RBMS3: variants seen among roughly 807,000 people sequenced by gnomAD.
The protein encoded by RBMS3 is RNA-binding motif, single-stranded-interacting protein 3.
A neutral mutation model predicts 66.8 loss-of-function variants in RBMS3; 27 were observed. That is an observed-to-expected ratio of 0.40 (90% CI 0.30 to 0.56). The LOEUF (loss-of-function observed/expected upper bound fraction) is 0.56, where lower values mean the gene tolerates loss of function less well. Among genes scored for constraint, RBMS3 ranks in the 20% least tolerant of loss-of-function variants. The pLI is 0.40. For synonymous variants in RBMS3, 188 were observed against 183.0 expected (o/e 1.03, Z -0.22); for missense variants, 513 against 549.5 (o/e 0.93, Z 0.66).
At chr3:29,730,559 A>G (rs773709762) in intron 4 of RBMS3, among the ~76,000 whole-genome samples, 2 of 152,164 alleles carry the variant, frequency 1.3e-5, no homozygotes, top group Non-Finnish European at 2.9e-5. Flanking sequence ...TAGTAAACCT[A>G]TGGCTGTCTT....
chr3:29,362,978 A>G (rs1243926497), intron 1 of RBMS3, among the ~76,000 whole-genome samples: 4 of 152,052 alleles, frequency 2.6e-5, no homozygotes, highest in African/African-American at 7.2e-5. Context: ...CTTGCTTTTG[A>G]TATTTTGGGT....
rs1377635554 is a variant in RBMS3, at chr3:29,852,336, T to G, written c.638-16522T>G. On this transcript the variant is annotated intron_variant, in intron 6 of 14. Coordinates refer to ENST00000383767, the MANE Select transcript of RBMS3 (RefSeq NM_001003793.3). ...TGGGATCTAATTTAAAATTAAGAGC[T>G]TCTGCCCAGCAAAAGAGACAATCAA... Among the ~76,000 whole-genome samples, 3 of 152,296 alleles carry G rather than the reference T, an allele frequency of 2.0e-5. No homozygotes were observed. In the East Asian group the frequency reaches 5.8e-4, roughly 29 times the overall value.
At chr3:29,603,479 A>C (rs552851032) in intron 4 of RBMS3, among the ~76,000 whole-genome samples, 6 of 152,040 alleles carry the variant, frequency 3.9e-5, no homozygotes, top group African/African-American at 1.4e-4. Context: ...CATAGAGGAC[A>C]TTTGGCAATG....
intron 8 of RBMS3, among the ~76,000 whole-genome samples, chr3:29,891,107 G>A (rs1004555544): frequency 6.6e-6 from 1 of 151,536 alleles, no homozygotes; most frequent in African/African-American, 2.4e-5. Flanking sequence ...ATGTGTCTGA[G>A]TTGTAGCTAG....
At chr3:29,644,234 CA>C (rs1183084685) in intron 4 of RBMS3, among the ~76,000 whole-genome samples, 1 of 151,616 alleles carries the variant, frequency 6.6e-6, no homozygotes, top group East Asian at 1.9e-4. Context: ...TGGAACACTC[CA>C]AAAAAATAAA....
chr3:29,534,122 A>C (rs759651913), intron 3 of RBMS3, among the ~76,000 whole-genome samples: 1 of 152,228 alleles, frequency 6.6e-6, no homozygotes, highest in Non-Finnish European at 1.5e-5. Context: ...CCAACTTCAC[A>C]TAATAATAGC....
At chr3:29,425,676 G>A (rs984628401) in intron 1 of RBMS3, among the ~76,000 whole-genome samples, 11 of 152,004 alleles carry the variant, frequency 7.2e-5, no homozygotes, top group Non-Finnish European at 1.3e-4. Context: ...AGATTATGGG[G>A]AAAAACTGAA....
chr3:29,452,419 C>T (rs1056968383), intron 2 of RBMS3, among the ~76,000 whole-genome samples: 3 of 152,104 alleles, frequency 2.0e-5, no homozygotes, highest in African/African-American at 7.2e-5. Flanking sequence ...ATATTTTACT[C>T]TGTGATCTAG....
At chr3:29,596,602 GAT>G (rs1444059289) in intron 4 of RBMS3, among the ~76,000 whole-genome samples, 3 of 152,204 alleles carry the variant, frequency 2.0e-5, no homozygotes, top group African/African-American at 7.2e-5. Context: ...CATTCACTAA[GAT>G]AGTCAAGTGG....
rs148691765 is a variant in RBMS3 at position 29,962,551 on chromosome 3, C to CATAT, written c.1098+18311_1098+18314dup. ...TCTGTTTTTAATATGGGTCAAGACT[C>CATAT]ATATATATATATATATAATACCATA... On this transcript the variant is annotated intron_variant, in intron 12 of 14. Coordinates refer to ENST00000383767, the MANE Select transcript of RBMS3 (RefSeq NM_001003793.3). Among the ~76,000 whole-genome samples, 304 of 135,264 alleles carry CATAT rather than the reference C, an allele frequency of 2.2e-3. 14 individuals are homozygous for CATAT. Among genetic ancestry groups the CATAT allele is most frequent in the African/African-American group, 8.5e-3 (273 of 32,176 alleles). The allele number at this position is 135,264 out of a possible 152,430, so 88.7% of individuals were successfully genotyped here.
intron 1 of RBMS3, among the ~76,000 whole-genome samples, chr3:29,349,958 G>A (rs1004964899): frequency 2.6e-5 from 4 of 152,058 alleles, no homozygotes; most frequent in Admixed American, 2.6e-4. Flanking sequence ...TTGGGAGTTC[G>A]AGACCAGCCT....
At chr3:29,409,239 C>G (rs887774273) in intron 1 of RBMS3, among the ~76,000 whole-genome samples, 2 of 152,202 alleles carry the variant, frequency 1.3e-5, no homozygotes, top group African/African-American at 4.8e-5. Flanking sequence ...GAGCAGGCCT[C>G]TGCTCCACGT....
intron 4 of RBMS3, among the ~76,000 whole-genome samples, chr3:29,594,564 T>C (rs2047876373): frequency 6.6e-6 from 1 of 152,222 alleles, no homozygotes; most frequent in Non-Finnish European, 1.5e-5. Flanking sequence ...GGGATACATC[T>C]TCAACAGACA....
rs537743957 is a variant in RBMS3 at position 29,468,374 on chromosome 3, G to A, written c.249-20067G>A. Among the ~76,000 whole-genome samples the A allele has an allele frequency of 3.3e-5, 5 of 152,238 alleles. No individual in the cohort carries two copies. The South Asian group carries it at 1.0e-3, about 32-fold the overall frequency. On this transcript the variant is annotated intron_variant, in intron 2 of 14. Coordinates refer to ENST00000383767, the MANE Select transcript of RBMS3 (RefSeq NM_001003793.3). ...AGATAACTGCACACAATACCCATAT[G>A]TACCTCCAGAAAGGCTCAGCTTTAA... is the stretch of plus-strand genomic sequence containing the variant.
At chr3:29,875,112 C>T (rs1212292054) in intron 7 of RBMS3, among the ~76,000 whole-genome samples, 3 of 152,168 alleles carry the variant, frequency 2.0e-5, no homozygotes, top group African/African-American at 7.2e-5. Context: ...CTGACCCATT[C>T]TCCATGGATC....
At chr3:29,593,480 T>C (rs2047832221) in intron 4 of RBMS3, among the ~76,000 whole-genome samples, 2 of 152,104 alleles carry the variant, frequency 1.3e-5, no homozygotes. Context: ...CAGGGTAACT[T>C]GAGCAGGCGA....
intron 5 of RBMS3, among the ~76,000 whole-genome samples, chr3:29,750,247 T>C (rs2149364412): frequency 6.6e-6 from 1 of 152,324 alleles, no homozygotes; most frequent in African/African-American, 2.4e-5. Flanking sequence ...GAAATCTTTA[T>C]TCAAGAATTC....
intron 5 of RBMS3, among the ~76,000 whole-genome samples, chr3:29,760,973 G>A (rs2055659634): frequency 6.6e-6 from 1 of 151,914 alleles, no homozygotes; most frequent in African/African-American, 2.4e-5. Context: ...GATCCATTGG[G>A]TCACCTGATG....
At chr3:29,403,691 AC>A (rs953496211) in intron 1 of RBMS3, among the ~76,000 whole-genome samples, 2 of 152,098 alleles carry the variant, frequency 1.3e-5, no homozygotes, top group African/African-American at 4.8e-5. Context: ...GAGAAAAAAA[AC>A]AATAATTATT....
Sources: gnomAD v4.1 joint callset for allele counts (sites outside exome capture counted in the v4.1 genomes callset) on GRCh38, gnomAD v4.1.1 for gene constraint, MANE v1.5 for transcripts, NCBI Gene and HGNC (gene_info 2026-07-23, HGNC 2026-07-21) for gene names.